TGFBRAP1: variants seen among roughly 807,000 people sequenced by gnomAD.
TGFBRAP1 encodes the protein transforming growth factor beta receptor associated protein 1, also known as transforming growth factor-beta receptor-associated protein 1.
Under a neutral mutation model 83.2 loss-of-function variants are expected in TGFBRAP1, and 20 were observed. The ratio of observed to expected loss-of-function variants is 0.24; its 90% confidence interval spans 0.17 to 0.35. The LOEUF (loss-of-function observed/expected upper bound fraction) is 0.35, where lower values mean the gene tolerates loss of function less well. Ranked by LOEUF, TGFBRAP1 falls within the 10% of genes least tolerant of loss-of-function variation. The pLI, the probability that TGFBRAP1 is intolerant of heterozygous loss-of-function variation, is 1.00. For synonymous variants in TGFBRAP1, 415 were observed against 459.8 expected (o/e 0.90, Z 1.25); for missense variants, 950 against 1,099.4 (o/e 0.86, Z 1.92).
chr2:105,314,599 G>C (rs1329757528), intron 1 of TGFBRAP1, among the ~76,000 whole-genome samples: 2 of 152,022 alleles, frequency 1.3e-5, no homozygotes, highest in Admixed American at 1.3e-4. Context: ...CACGATCTCA[G>C]TTCAACACTG....
At chr2:105,251,517 T>TGGG in the TGFBRAP1 span, among the ~76,000 whole-genome samples, 3 of 141,266 alleles carry the variant, frequency 2.1e-5, no homozygotes, top group African/African-American at 8.1e-5. Context: ...GGGAGGGAGG[T>TGGG]GGGGGGGGAT....
At chr2:105,309,306 T>C (rs991566471) in intron 1 of TGFBRAP1, among the ~76,000 whole-genome samples, 6 of 152,194 alleles carry the variant, frequency 3.9e-5, no homozygotes, top group African/African-American at 1.4e-4. Flanking sequence ...TGACGGGAGC[T>C]GCAGGGCAGC....
At position 105,265,797 on chromosome 2, in the gene TGFBRAP1, C is replaced by T. The variant is rs939997747; in HGVS notation, c.*1586G>A. The T allele has an allele frequency of 6.6e-5, 10 of 152,190 alleles. No homozygotes were observed. The highest frequency in any genetic ancestry group is 1.2e-4 in the Non-Finnish European group (8 of 68,018). 9.4% of individuals were successfully genotyped at this position (152,190 alleles called of 1,614,324 possible). On this transcript the variant is annotated 3_prime_UTR_variant, in exon 12 of 12. Coordinates refer to ENST00000393359, the MANE Select transcript of TGFBRAP1 (RefSeq NM_004257.6). ...AAAAATGGTGCCAATTCCCCCCAAACAACACATGGATGTTTTTGCTTCTTG... is the reference window on the plus strand; with the variant it reads ...AAAAATGGTGCCAATTCCCCCCAAATAACACATGGATGTTTTTGCTTCTTG...
the TGFBRAP1 span, among the ~76,000 whole-genome samples, chr2:105,259,158 G>A: frequency 1.5e-3 from 229 of 152,316 alleles, no homozygotes; most frequent in African/African-American, 5.3e-3. Flanking sequence ...CCAGGACACT[G>A]GCCTGCAATG....
chr2:105,304,512 G>T (rs1443212998), intron 2 of TGFBRAP1, among the ~76,000 whole-genome samples: 2 of 152,248 alleles, frequency 1.3e-5, no homozygotes, highest in African/African-American at 4.8e-5. Flanking sequence ...GCTGGGCACA[G>T]TGGCTCACGC....
At chr2:105,318,411 T>C (rs1396176097) in intron 1 of TGFBRAP1, among the ~76,000 whole-genome samples, 3 of 152,226 alleles carry the variant, frequency 2.0e-5, no homozygotes, top group African/African-American at 7.2e-5. Flanking sequence ...ACTCTCTATA[T>C]CTTATACAGA....
chr2:105,260,340 C>T (rs112905574), downstream of TGFBRAP1, among the ~76,000 whole-genome samples: 5 of 152,238 alleles, frequency 3.3e-5, no homozygotes, highest in African/African-American at 4.8e-5. Flanking sequence ...ACCCGGGAGG[C>T]GGAGGTTGCA....
the TGFBRAP1 span, among the ~76,000 whole-genome samples, chr2:105,252,893 C>A: frequency 2.0e-5 from 3 of 150,826 alleles, no homozygotes; most frequent in Non-Finnish European, 2.9e-5. Context: ...GCTGGGACTA[C>A]AGGGGTCCAC....
At chr2:105,252,430 A>G in the TGFBRAP1 span, among the ~76,000 whole-genome samples, 1 of 152,226 alleles carries the variant, frequency 6.6e-6, no homozygotes, top group Non-Finnish European at 1.5e-5. Context: ...CTAGGCCACT[A>G]GAAAGTCCTT....
At chr2:105,252,647 G>A in the TGFBRAP1 span, among the ~76,000 whole-genome samples, 1 of 151,904 alleles carries the variant, frequency 6.6e-6, no homozygotes, top group Non-Finnish European at 1.5e-5. Flanking sequence ...CCTTTTGCCT[G>A]CATGTCCTCT....
chr2:105,253,127 T>TA, the TGFBRAP1 span, among the ~76,000 whole-genome samples: 1 of 151,772 alleles, frequency 6.6e-6, no homozygotes, highest in South Asian at 2.1e-4. Context: ...AAATGCCCCT[T>TA]AGTTTTTTGT....
chr2:105,318,823 C>T (rs1005116128), intron 1 of TGFBRAP1, among the ~76,000 whole-genome samples: 1 of 152,168 alleles, frequency 6.6e-6, no homozygotes, highest in Non-Finnish European at 1.5e-5. Context: ...GCCCCATGGG[C>T]GTGTATACCG....
intron 10 of TGFBRAP1, among the ~76,000 whole-genome samples, chr2:105,270,513 T>C (rs983687895): frequency 6.6e-6 from 1 of 152,244 alleles, no homozygotes; most frequent in African/African-American, 2.4e-5. Flanking sequence ...CATCTGTTTT[T>C]ACATCCTCAA....
In TGFBRAP1 at chr2:105,307,679, T is replaced by C. The variant is rs764882186; in HGVS notation, c.623A>G (p.Glu208Gly). 6 of 1,614,082 alleles carry C rather than the reference T, an allele frequency of 3.7e-6. No individual in the cohort carries two copies. In the Admixed American group the frequency reaches 8.3e-5, roughly 22 times the overall value. The change falls in exon 2 of 12, where the codon GAG (glutamate) becomes GGG (glycine). Residue 208 changes from glutamate (E) to glycine (G), a missense_variant. Coordinates refer to ENST00000393359, the MANE Select transcript of TGFBRAP1 (RefSeq NM_004257.6). ...TATCCTCTTGACGATCGGCGGCCTC[T>C]CCTCACTGCAGTAGGGAAACAGGTC... is the stretch of plus-strand genomic sequence containing the variant. The part of the protein sequence containing the change: ...SQDLFPYCSE[E>G]RPPIVKRIGR...
At chr2:105,278,068 A>ATGTGTGTGTGTGTGTGTGTGTG (rs56983977) in intron 6 of TGFBRAP1, among the ~76,000 whole-genome samples, 1 of 145,422 alleles carries the variant, frequency 6.9e-6, no homozygotes, top group Non-Finnish European at 1.5e-5. Context: ...CAAAAAATAT[A>ATGTGTGTGTGTGTGTGTGTGTG]TGTGTGTGTG....
intron 1 of TGFBRAP1, among the ~76,000 whole-genome samples, chr2:105,316,737 C>T (rs557161905): frequency 4.9e-4 from 74 of 151,574 alleles, no homozygotes; most frequent in African/African-American, 1.6e-3. Context: ...TCGTTTGAAC[C>T]TGGGAGGCGG....
chr2:105,283,604 C>T (rs1361452983), intron 5 of TGFBRAP1, among the ~76,000 whole-genome samples: 1 of 152,230 alleles, frequency 6.6e-6, no homozygotes, highest in African/African-American at 2.4e-5. Flanking sequence ...ACTTAATCTT[C>T]TGCAAAGAGT....
chr2:105,275,433 C>T (rs912238983), intron 8 of TGFBRAP1, 127 bp downstream of exon 8: 9 of 1,432,496 alleles, frequency 6.3e-6, no homozygotes, highest in Non-Finnish European at 7.4e-6. Context: ...GGAATAATAA[C>T]AACAACAAAA....
intron 1 of TGFBRAP1, among the ~76,000 whole-genome samples, chr2:105,323,388 T>G (rs541554823): frequency 6.6e-6 from 1 of 152,190 alleles, no homozygotes; most frequent in Admixed American, 6.5e-5. Context: ...TGGGACTCAG[T>G]GCAAACTCAG....
Sources: allele counts gnomAD v4.1 joint callset (sites outside exome capture counted in the v4.1 genomes callset), GRCh38; gene constraint gnomAD v4.1.1; transcripts MANE v1.5; gene names NCBI Gene and HGNC (gene_info 2026-07-23, HGNC 2026-07-21).